The following THRB variants were observed in gnomAD, a reference collection of about 807,000 sequenced individuals.
THRB encodes the protein thyroid hormone receptor beta.
THRB carries 12 observed loss-of-function variants against 47.8 expected under a neutral mutation model. The ratio of observed to expected loss-of-function variants is 0.25; its 90% CI spans 0.16 to 0.41. The LOEUF (loss-of-function observed/expected upper bound fraction) is 0.41. Among genes scored for constraint, THRB ranks in the 10% least tolerant of loss-of-function variants. The pLI, the probability that THRB is intolerant of heterozygous loss-of-function variation, is 1.00. For synonymous variants in THRB, 218 were observed against 212.2 expected, an observed-to-expected ratio of 1.03 and a Z score of -0.24; for missense variants, 348 against 589.2, an observed-to-expected ratio of 0.59 and a Z score of 4.24.
chr3:24,139,355 TC>T (rs1284159034), intron 8 of THRB, among the ~76,000 whole-genome samples: 1 of 151,486 alleles, frequency 6.6e-6, no homozygotes, highest in East Asian at 2.0e-4. Flanking sequence ...TGTCTCTGTT[TC>T]TTTTTCTTTC....
At chr3:24,425,007 T>C (rs1488197366) in intron 1 of THRB, among the ~76,000 whole-genome samples, 1 of 151,974 alleles carries the variant, frequency 6.6e-6, no homozygotes, top group Non-Finnish European at 1.5e-5. Context: ...TAGACTTATA[T>C]TCCATTATAT....
intron 3 of THRB, among the ~76,000 whole-genome samples, chr3:24,236,891 T>C (rs2150188612): frequency 6.6e-6 from 1 of 152,282 alleles, no homozygotes; most frequent in Non-Finnish European, 1.5e-5. Context: ...AAATAATGGT[T>C]GAATTTCTCA....
intron 5 of THRB, among the ~76,000 whole-genome samples, chr3:24,182,137 C>G (rs924714414): frequency 6.6e-6 from 1 of 151,946 alleles, no homozygotes; most frequent in Non-Finnish European, 1.5e-5. Context: ...GGAGGTGGAG[C>G]TTGCAGTGAG....
chr3:24,358,256 GCATTATATTT>G (rs1223282449), intron 1 of THRB, among the ~76,000 whole-genome samples: 1 of 151,964 alleles, frequency 6.6e-6, no homozygotes, highest in Non-Finnish European at 1.5e-5. Flanking sequence ...TTTGTTGATG[GCATTATATTT>G]TTGCCATAAA....
chr3:24,281,947 G>C (rs1470430994), intron 3 of THRB, among the ~76,000 whole-genome samples: 3 of 148,010 alleles, frequency 2.0e-5, no homozygotes, highest in African/African-American at 7.6e-5. Context: ...AGTCCTGAGT[G>C]ACCTACAAAG....
chr3:24,256,755 C>T (rs2051328423), intron 3 of THRB, among the ~76,000 whole-genome samples: 1 of 151,626 alleles, frequency 6.6e-6, no homozygotes, highest in Admixed American at 6.6e-5. Flanking sequence ...GTTTCATTTT[C>T]TCTGAAGGAG....
intron 3 of THRB, among the ~76,000 whole-genome samples, chr3:24,280,058 G>A (rs796459912): frequency 1.1e-4 from 17 of 152,364 alleles, no homozygotes; most frequent in African/African-American, 3.8e-4. Context: ...TTAGCTCAAA[G>A]ATAATTATTT....
chr3:24,481,369 G>T (rs991498013), intron 1 of THRB, among the ~76,000 whole-genome samples: 2 of 151,206 alleles, frequency 1.3e-5, no homozygotes, highest in South Asian at 2.1e-4. Flanking sequence ...AGGACACGCG[G>T]TTGCTCATTT....
chr3:24,472,195 A>C (rs1485247714), intron 1 of THRB, among the ~76,000 whole-genome samples: 1 of 152,180 alleles, frequency 6.6e-6, no homozygotes, highest in Non-Finnish European at 1.5e-5. Context: ...CTGTCCACCA[A>C]GGTTCATACT....
chr3:24,255,647 G>C (rs1559748376), intron 3 of THRB, among the ~76,000 whole-genome samples: 1 of 152,184 alleles, frequency 6.6e-6, no homozygotes, highest in South Asian at 2.1e-4. Flanking sequence ...GCAATCCCAT[G>C]TGTGGGTTTC....
intron 1 of THRB, among the ~76,000 whole-genome samples, chr3:24,341,973 A>C (rs1344293557): frequency 2.0e-5 from 3 of 152,038 alleles, no homozygotes; most frequent in Non-Finnish European, 4.4e-5. Flanking sequence ...GCTGACCACA[A>C]ATGCATGAGT....
chr3:24,147,849 A>C (rs1214171446), intron 6 of THRB, among the ~76,000 whole-genome samples: 2 of 152,220 alleles, frequency 1.3e-5, no homozygotes, highest in African/African-American at 4.8e-5. Flanking sequence ...AGACAGGTTA[A>C]ATCGCTTGCC....
In THRB at chr3:24,229,365, G is replaced by C. The variant is rs554906341; in HGVS notation, c.-42-364C>G. On this transcript the variant is annotated intron_variant, in intron 3 of 10. Coordinates refer to ENST00000646209, the MANE Select transcript of THRB (RefSeq NM_001354712.2). The stretch of plus-strand genomic sequence containing the variant: ...GATCTTGCTTCTCAAGGTGTGGTCT[G>C]TGGGCCAGCAGTCTCGACATTGCCT... Among the ~76,000 whole-genome samples, 560 of 152,278 alleles carry C rather than the reference G, an allele frequency of 3.7e-3. 1 individual carries two copies. The highest frequency in any genetic ancestry group is 6.0e-3 in the Non-Finnish European group (409 of 68,026).
At chr3:24,483,898 T>C (rs1696851324) in intron 1 of THRB, 1 of 152,226 alleles carries the variant, frequency 6.6e-6, no homozygotes, top group Non-Finnish European at 1.5e-5. Flanking sequence ...TTTATTTAGG[T>C]AGGGGACATG....
At chr3:24,312,321 T>C (rs2149214545) in intron 2 of THRB, among the ~76,000 whole-genome samples, 1 of 152,348 alleles carries the variant, frequency 6.6e-6, no homozygotes, top group Non-Finnish European at 1.5e-5. Flanking sequence ...AGTCCTCATG[T>C]CTATTTTCTT....
chr3:24,160,452 G>A (rs2038628302), intron 5 of THRB, among the ~76,000 whole-genome samples: 1 of 152,190 alleles, frequency 6.6e-6, no homozygotes, highest in African/African-American at 2.4e-5. Context: ...AGGAAAACAT[G>A]GCGGGAGGTA....
At chr3:24,254,474 G>A (rs1188882188) in intron 3 of THRB, among the ~76,000 whole-genome samples, 1 of 151,954 alleles carries the variant, frequency 6.6e-6, no homozygotes, top group Non-Finnish European at 1.5e-5. Context: ...TGGCCTTAAA[G>A]GTAGTCCCAA....
chr3:24,165,090 A>T (rs374546156), intron 5 of THRB: 104 of 764,850 alleles, frequency 1.4e-4, no homozygotes, highest in Non-Finnish European at 2.2e-4. Context: ...TCAGTGAAAT[A>T]TTCAGGTTGG....
intron 4 of THRB, among the ~76,000 whole-genome samples, chr3:24,226,503 A>C (rs1206924824): frequency 1.3e-5 from 2 of 152,226 alleles, no homozygotes; most frequent in Non-Finnish European, 2.9e-5. Context: ...TAGTTTCTCC[A>C]CTATGAAGCA....
Sources: gnomAD v4.1 joint callset for allele counts (sites outside exome capture counted in the v4.1 genomes callset) on GRCh38, gnomAD v4.1.1 for gene constraint, MANE v1.5 for transcripts, NCBI Gene and HGNC (gene_info 2026-07-23, HGNC 2026-07-21) for gene names.